PDE1A: variants seen among roughly 807,000 people sequenced by gnomAD.
PDE1A encodes phosphodiesterase 1A, also known as dual specificity calcium/calmodulin-dependent 3',5'-cyclic nucleotide phosphodiesterase 1A.
PDE1A carries 35 observed loss-of-function variants against 61.7 expected under a neutral mutation model. The observed-to-expected ratio is 0.57, with a 90% CI of 0.43 to 0.75. The LOEUF is 0.75. PDE1A is among the 30% of genes least tolerant of loss of function. The pLI, the probability that PDE1A is intolerant of heterozygous loss-of-function variation, is 0.00. For missense variants in PDE1A, 597 were observed against 630.6 expected, an observed-to-expected ratio of 0.95 and a Z score of 0.57; for synonymous variants, 232 against 213.2, an observed-to-expected ratio of 1.09 and a Z score of -0.77.
intron 1 of PDE1A, among the ~76,000 whole-genome samples, chr2:182,272,521 T>G (rs903608742): frequency 6.6e-6 from 1 of 152,158 alleles, no homozygotes; most frequent in African/African-American, 2.4e-5. Context: ...TGAATTTTCA[T>G]GCACTCTTTT....
At chr2:182,542,259 G>A in the PDE1A span, among the ~76,000 whole-genome samples, 1,632 of 152,032 alleles carry the variant, frequency 0.011, 8 homozygotes, top group Middle Eastern at 0.027. Context: ...TATATTCTGC[G>A]AATTTTCTAA....
At chr2:182,634,099 GA>G in the PDE1A span, among the ~76,000 whole-genome samples, 36 of 137,578 alleles carry the variant, frequency 2.6e-4, no homozygotes, top group South Asian at 4.6e-4. Flanking sequence ...CAAAAAACAA[GA>G]AAAAAAAAAA....
chr2:182,319,044 T>TTGAAAA (rs1363554572), intron 1 of PDE1A, among the ~76,000 whole-genome samples: 1 of 152,178 alleles, frequency 6.6e-6, no homozygotes, highest in East Asian at 1.9e-4. Context: ...CCTTCATGTT[T>TTGAAAA]TGAAAATGCA....
At chr2:182,463,968 C>T (rs1004123300) in intron 2 of PDE1A, among the ~76,000 whole-genome samples, 13 of 152,170 alleles carry the variant, frequency 8.5e-5, no homozygotes, top group Non-Finnish European at 1.2e-4. Flanking sequence ...CTGGTAATGA[C>T]GAGGGAAGAA....
At position 182,231,729 on chromosome 2, in the gene PDE1A, C is replaced by T. The variant is rs1036588221; in HGVS notation, c.418-598G>A. The stretch of plus-strand genomic sequence containing the variant: ...AGGAGTTCGAGGCCAGCCTGACCAA[C>T]ATAGTGAAACCCCATCTCTACAAAA... On this transcript the variant is annotated intron_variant, in intron 4 of 13. Transcript: ENST00000351439. Among the ~76,000 whole-genome samples, 30 of 152,136 alleles carry T rather than the reference C, an allele frequency of 2.0e-4. 1 individual carries two copies. Among genetic ancestry groups the T allele is most frequent in the African/African-American group, 7.2e-4 (30 of 41,500 alleles).
At chr2:182,701,389 C>CT in the PDE1A span, among the ~76,000 whole-genome samples, 48 of 139,080 alleles carry the variant, frequency 3.5e-4, no homozygotes, top group East Asian at 8.7e-4. Context: ...GTTTGCTTAA[C>CT]TTTTTTTTTT....
intron 2 of PDE1A, among the ~76,000 whole-genome samples, chr2:182,517,029 T>A (rs147103406): frequency 0.011 from 1,650 of 152,284 alleles, 21 homozygotes; most frequent in Middle Eastern, 0.034. Context: ...GACGTGGACA[T>A]TTCTGGAGGG....
chr2:182,467,349 A>C (rs1401771885), intron 2 of PDE1A, among the ~76,000 whole-genome samples: 3 of 152,004 alleles, frequency 2.0e-5, no homozygotes, highest in Non-Finnish European at 4.4e-5. Flanking sequence ...TAAATATCAC[A>C]TGAAGAACAT....
the PDE1A span, among the ~76,000 whole-genome samples, chr2:182,666,978 G>A: frequency 6.6e-6 from 1 of 152,182 alleles, no homozygotes; most frequent in Non-Finnish European, 1.5e-5. Flanking sequence ...CTTTGGGAAA[G>A]AATCAGGGGA....
rs565370172 is a variant in PDE1A, at chr2:182,286,971, T to C, written c.54-22557A>G. 8.5e-5 allele frequency among the ~76,000 whole-genome samples: 13 copies of C among 152,250 alleles called. No individual in the cohort carries two copies. In the East Asian group the frequency reaches 9.7e-4, roughly 11 times the overall value. On this transcript the variant is annotated intron_variant, in intron 1 of 13. Transcript: ENST00000351439. ...CATAAATTGGATCATCTCACTCTTA[T>C]GTTTAAAATTTCCAATGTCTTTCAG...
chr2:182,186,533 C>T, exon 12 of PDE1A: 3 of 1,613,150 alleles, frequency 1.9e-6, no homozygotes, highest in Non-Finnish European at 2.5e-6. Flanking sequence ...TAACAATTTT[C>T]TCTGTTGAGT....
At chr2:182,605,320 T>C in the PDE1A span, among the ~76,000 whole-genome samples, 1 of 152,134 alleles carries the variant, frequency 6.6e-6, no homozygotes, top group Non-Finnish European at 1.5e-5. Flanking sequence ...CAGCTAGTTG[T>C]GACCCTGTGA....
chr2:182,295,558 C>A (rs1290609999), intron 1 of PDE1A, among the ~76,000 whole-genome samples: 2 of 152,084 alleles, frequency 1.3e-5, no homozygotes, highest in African/African-American at 4.8e-5. Context: ...AATTTCCAGG[C>A]CCTGAATGGT....
At chr2:182,618,534 C>T in the PDE1A span, among the ~76,000 whole-genome samples, 7 of 151,718 alleles carry the variant, frequency 4.6e-5, no homozygotes, top group Non-Finnish European at 8.8e-5. Flanking sequence ...GAAGAATCTA[C>T]ACTAAGAATC....
chr2:182,567,441 T>C, the PDE1A span, among the ~76,000 whole-genome samples: 1 of 152,090 alleles, frequency 6.6e-6, no homozygotes, highest in South Asian at 2.1e-4. Flanking sequence ...AAACAAAGAG[T>C]CAAATAGTTA....
the PDE1A span, among the ~76,000 whole-genome samples, chr2:182,694,369 A>G: frequency 7.2e-5 from 11 of 152,204 alleles, no homozygotes; most frequent in African/African-American, 2.7e-4. Context: ...CAGAGTCTTG[A>G]TGATGCAATG....
At chr2:182,306,343 C>T (rs1695583332) in intron 1 of PDE1A, among the ~76,000 whole-genome samples, 1 of 152,106 alleles carries the variant, frequency 6.6e-6, no homozygotes, top group Admixed American at 6.6e-5. Context: ...TCTTTGGATA[C>T]ATACACAGAA....
At chr2:182,646,339 C>T in the PDE1A span, among the ~76,000 whole-genome samples, 1 of 146,242 alleles carries the variant, frequency 6.8e-6, no homozygotes, top group Non-Finnish European at 1.5e-5. Context: ...GTAGTCCCAG[C>T]TACTCGGGAG....
At chr2:182,242,920 C>G (rs79662808) in intron 2 of PDE1A, among the ~76,000 whole-genome samples, 31 of 45,038 alleles carry the variant, frequency 6.9e-4, no homozygotes, top group African/African-American at 2.6e-3. Context: ...CTCTCTCTCT[C>G]TCTCTCGTGT....
Sources: gnomAD v4.1 joint callset for allele counts (sites outside exome capture counted in the v4.1 genomes callset) on GRCh38, gnomAD v4.1.1 for gene constraint, MANE v1.5 for transcripts, NCBI Gene and HGNC (gene_info 2026-07-23, HGNC 2026-07-21) for gene names.